SCNN1D: variants seen among roughly 807,000 people sequenced by gnomAD.
SCNN1D encodes epithelial sodium channel subunit delta.
A neutral mutation model predicts 87.8 loss-of-function variants in SCNN1D; 104 were observed. That is an observed-to-expected ratio of 1.18 (90% CI 1.01 to 1.39). SCNN1D has a LOEUF of 1.39. SCNN1D is among the 40% of genes most tolerant of loss of function. SCNN1D has a pLI of 0.00. For missense variants in SCNN1D, 1,324 were observed against 1,093.9 expected (o/e 1.21, Z -2.97); for synonymous variants, 628 against 481.2 (o/e 1.31, Z -3.99).
At position 1,291,493 on chromosome 1, in the gene SCNN1D, T is replaced by C; in HGVS notation, c.2292T>C (p.Asp764=). 1 of 1,609,580 alleles carries C rather than the reference T, an allele frequency of 6.2e-7. No homozygotes were observed. The highest frequency in any genetic ancestry group is 8.5e-7 in the Non-Finnish European group (1 of 1,178,028). ...CCCCGCCTGCAGGCGGCACGTCAGA[T>C]GACCCGGAGCCCAGCGGGCCTCATC... is the stretch of plus-strand genomic sequence containing the variant. The part of the protein sequence containing the change: ...QMPPPAGGTS[D]DPEPSGPHLP... The change falls in exon 18 of 18, where the codon GAT becomes GAC. Residue 764 remains aspartate (D), a synonymous_variant. Transcript: ENST00000379116.
At chr1:1,282,995 G>T (rs909433144) in intron 4 of SCNN1D, among the ~76,000 whole-genome samples, 1 of 152,082 alleles carries the variant, frequency 6.6e-6, no homozygotes, top group African/African-American at 2.4e-5. Context: ...CTTGTGATCC[G>T]CCCGCCTCGG....
intron 3 of SCNN1D, 48 bp downstream of exon 3, chr1:1,281,658 G>T (rs115452779): frequency 8.7e-6 from 13 of 1,501,012 alleles, no homozygotes; most frequent in South Asian, 1.2e-5. Flanking sequence ...GGAGGGGAGG[G>T]GGGTGGAGCC....
At chr1:1,282,751 ACTTT>A (rs1640497071) in intron 4 of SCNN1D, among the ~76,000 whole-genome samples, 2 of 142,946 alleles carry the variant, frequency 1.4e-5, no homozygotes, top group African/African-American at 5.5e-5. Flanking sequence ...GTTGTGAATC[ACTTT>A]CTTTTTTTTT....
intron 11 of SCNN1D, 48 bp downstream of exon 11, chr1:1,287,884 C>T (rs1640637558): frequency 2.6e-6 from 4 of 1,517,988 alleles, no homozygotes; most frequent in Admixed American, 2.0e-5. Flanking sequence ...TCCTGCCCAA[C>T]CTGGGCTTTG....
At position 1,291,814 on chromosome 1, in the gene SCNN1D, G is replaced by A. The variant is rs151198245; in HGVS notation, c.*204G>A. The stretch of plus-strand genomic sequence containing the variant: ...GGTGGGTCTCAAGGAGGCCCGGGGC[G>A]GAGGGGGGTTCCCGCGTGCACACGA... On this transcript the variant is annotated 3_prime_UTR_variant, in exon 18 of 18. Transcript: ENST00000379116. The A allele has an allele frequency of 9.7e-3, 4,491 of 464,516 alleles. 30 individuals are homozygous for A. The highest frequency in any genetic ancestry group is 0.011 in the Non-Finnish European group (3,029 of 265,774). 28.8% of individuals were successfully genotyped at this position (464,516 alleles called of 1,614,324 possible). A position where few individuals can be genotyped will look rare whatever the true frequency, so the allele number is the denominator to read the frequency against.
chr1:1,290,733 C>T (rs1477211498), intron 15 of SCNN1D, 39 bp downstream of exon 15: 11 of 1,608,990 alleles, frequency 6.8e-6, no homozygotes, highest in Non-Finnish European at 9.3e-6. Flanking sequence ...TGTGGACAGC[C>T]AGGCAGACCC....
intron 4 of SCNN1D, among the ~76,000 whole-genome samples, chr1:1,283,768 C>T (rs1309368974): frequency 6.6e-6 from 1 of 151,842 alleles, no homozygotes; most frequent in African/African-American, 2.4e-5. Context: ...CCCCTCCCTC[C>T]ACAGGCTGCA....
Position 1,291,384 on chromosome 1 carries a change from G to A in SCNN1D, c.2183G>A (p.Arg728Gln), listed in dbSNP as rs377745829. 365 of 1,608,340 alleles carry A rather than the reference G, an allele frequency of 2.3e-4. No homozygotes were observed. The highest frequency in any genetic ancestry group is 9.8e-4 in the South Asian group (89 of 90,574). Residue 728 changes from arginine to glutamine, a missense_variant, in exon 18 of 18, where the codon CGG becomes CAG. Transcript: ENST00000379116. The stretch of plus-strand genomic sequence containing the variant: ...CTCACCCTGGTGCTAGGCGGCCGCC[G>A]GCTCCGCAGGGCGTGGTTCTCCTGG... Reference protein sequence around the residue: ...SALTLVLGGRRLRRAWFSWPR... With the variant: ...SALTLVLGGRQLRRAWFSWPR...
intron 4 of SCNN1D, 92 bp downstream of exon 4, chr1:1,282,407 C>A: frequency 7.1e-7 from 1 of 1,403,208 alleles, no homozygotes. Context: ...CCCAGCACCA[C>A]TTGGGGCAGG....
chr1:1,287,043 G>T, intron 8 of SCNN1D, 66 bp from the exon 9 acceptor site: 2 of 1,578,656 alleles, frequency 1.3e-6, no homozygotes, highest in Non-Finnish European at 1.7e-6. Flanking sequence ...TGCGCTGCTG[G>T]TACCTCGAGT....
At chr1:1,281,862 G>A (rs1338814707) in intron 3 of SCNN1D, 13 of 579,448 alleles carry the variant, frequency 2.2e-5, no homozygotes, top group Non-Finnish European at 2.7e-5. Context: ...TCTGCACCCT[G>A]CACCAAGGCT....
chr1:1,282,131 C>T (rs955399021), intron 3 of SCNN1D, 111 bp from the exon 4 acceptor site: 11 of 684,598 alleles, frequency 1.6e-5, no homozygotes, highest in South Asian at 1.0e-4. Context: ...CCCCCTGCCG[C>T]GAGCTTGGAG....
chr1:1,280,878 G>A (rs79596825), intron 1 of SCNN1D: 17,513 of 586,834 alleles, frequency 0.03, 399 homozygotes, highest in African/African-American at 0.077. Flanking sequence ...CCCACCCTCA[G>A]CACCCACCCA....
At chr1:1,291,230 C>T (rs771004599) in intron 17 of SCNN1D, 24 bp from the exon 18 acceptor site, 3 of 1,566,100 alleles carry the variant, frequency 1.9e-6, no homozygotes, top group East Asian at 4.7e-5. Flanking sequence ...GGGCCCGCCC[C>T]TCACACCCGC....
At position 1,290,318 on chromosome 1, in the gene SCNN1D, C is replaced by T. The variant is rs1341701250; in HGVS notation, c.1710C>T (p.Ser570=). The T allele has an allele frequency of 8.2e-6, 13 of 1,592,936 alleles. No individual in the cohort carries two copies. The highest frequency in any genetic ancestry group is 1.0e-5 in the Non-Finnish European group (12 of 1,168,336). The change falls in exon 13 of 18, where the codon TCC becomes TCT. Residue 570 remains serine (S), a synonymous_variant. Transcript: ENST00000379116. ...CFQQLMVETC[S]CGYYLHPLPA... Reference sequence around the variant, plus strand: ...AGCAGCTGATGGTGGAGACCTGCTCCTGTGGCTACTACCTCCACCCTCTGC... The same window carrying T: ...AGCAGCTGATGGTGGAGACCTGCTCTTGTGGCTACTACCTCCACCCTCTGC...
rs1394532187 is a variant in SCNN1D at position 1,287,747 on chromosome 1, A to C, written c.1474A>C (p.Met492Leu). The change falls in exon 11 of 18, where the codon ATG becomes CTG. Residue 492 changes from methionine (M) to leucine (L), a missense_variant. Met to Leu is a conservative substitution (Grantham distance 15). Coordinates refer to ENST00000379116, the MANE Select transcript of SCNN1D (RefSeq NM_001130413.4). ...LLSTLAGIRV[M>L]VHGRNHTPFL... Reference sequence around the variant, plus strand: ...GTCCACGCTGGCCGGCATCAGGGTCATGGTTCACGGCCGTAACCACACGCC... The same window carrying C: ...GTCCACGCTGGCCGGCATCAGGGTCCTGGTTCACGGCCGTAACCACACGCC... 1 of 1,606,938 alleles carries C rather than the reference A, an allele frequency of 6.2e-7. No homozygotes were observed. The highest frequency in any genetic ancestry group is 1.7e-4 in the Middle Eastern group (1 of 6,052).
chr1:1,283,939 G>A, intron 4 of SCNN1D, 39 bp from the exon 5 acceptor site: 1 of 1,275,282 alleles, frequency 7.8e-7, no homozygotes. Context: ...TCCCTCGCCT[G>A]CAGCACAGTC....
Position 1,290,567 on chromosome 1 carries a change from G to T in SCNN1D, c.1859+12G>T, listed in dbSNP as rs766041565. 6.2e-7 allele frequency: 1 copy of T among 1,612,638 alleles called. No individual in the cohort carries two copies. The highest frequency in any genetic ancestry group is 8.5e-7 in the Non-Finnish European group (1 of 1,179,894). On this transcript the variant is annotated intron_variant, in intron 14 of 17. Coordinates refer to ENST00000379116, the MANE Select transcript of SCNN1D (RefSeq NM_001130413.4). The stretch of plus-strand genomic sequence containing the variant: ...CCCAGGCCCTGCAGGTGAGACGGGG[G>T]TGTTGGGGTCGCGGCCAGGGATCAT...
At chr1:1,281,878 G>C (rs1262896) in intron 3 of SCNN1D, 55,852 of 568,782 alleles carry the variant, frequency 0.098, 4,456 homozygotes, top group African/African-American at 0.3. Flanking sequence ...AGGCTGGGCT[G>C]TCTGCCAGGC....
Sources: allele counts gnomAD v4.1 joint callset (sites outside exome capture counted in the v4.1 genomes callset), GRCh38; gene constraint gnomAD v4.1.1; transcripts MANE v1.5; gene names NCBI Gene and HGNC (gene_info 2026-07-23, HGNC 2026-07-21).